The following STIM1 variants were observed in gnomAD, a reference collection of about 807,000 sequenced individuals.
STIM1 encodes stromal interaction molecule 1.
A neutral mutation model predicts 74.7 loss-of-function variants in STIM1; 25 were observed. That is an observed-to-expected ratio of 0.33 (90% CI 0.24 to 0.47). STIM1 has a LOEUF of 0.47. STIM1 is among the 20% of genes least tolerant of loss of function. STIM1 has a pLI of 1.00. For missense variants in STIM1, 728 were observed against 920.8 expected (o/e 0.79, Z 2.71); for synonymous variants, 328 against 348.8 (o/e 0.94, Z 0.66).
At chr11:3,864,040 C>T (rs7949580) in intron 1 of STIM1, among the ~76,000 whole-genome samples, 1,638 of 151,932 alleles carry the variant, frequency 0.011, 30 homozygotes, top group African/African-American at 0.037. Flanking sequence ...TGTCTCACTT[C>T]GGCTATACCC....
In STIM1 at chr11:4,055,398, A is replaced by G. The variant is rs149043599; in HGVS notation, c.386-128A>G. Reference sequence around the variant, plus strand: ...GACTCACAGTGTATACTCCTTTCATACTTAGTATTTTATGGGACAGATAGA... The same window carrying G: ...GACTCACAGTGTATACTCCTTTCATGCTTAGTATTTTATGGGACAGATAGA... On this transcript the variant is annotated intron_variant, in intron 3 of 12. Coordinates refer to ENST00000526596, the MANE Select transcript of STIM1 (RefSeq NM_001382567.1). 7.9e-4 allele frequency: 585 copies of G among 744,370 alleles called. 5 individuals carry two copies. The highest frequency in any genetic ancestry group is 2.9e-3 in the Middle Eastern group (8 of 2,786). The allele number at this position is 744,370 out of a possible 1,614,324, so 46.1% of individuals were successfully genotyped here. A position where few individuals can be genotyped will look rare whatever the true frequency, so the allele number is the denominator to read the frequency against.
intron 1 of STIM1, among the ~76,000 whole-genome samples, chr11:3,955,394 T>C (rs1372235660): frequency 6.6e-6 from 1 of 152,212 alleles, no homozygotes; most frequent in Non-Finnish European, 1.5e-5. Context: ...AAAATATTCA[T>C]GCCTCATTTT....
intron 1 of STIM1, among the ~76,000 whole-genome samples, chr11:3,897,983 A>G (rs2092238038): frequency 6.6e-6 from 1 of 152,178 alleles, no homozygotes; most frequent in South Asian, 2.1e-4. Context: ...ATACGTGTGC[A>G]TGTGTCTTTA....
At chr11:3,930,332 A>G (rs1247475164) in intron 1 of STIM1, among the ~76,000 whole-genome samples, 1 of 152,268 alleles carries the variant, frequency 6.6e-6, no homozygotes, top group African/African-American at 2.4e-5. Context: ...CACAGCTGGC[A>G]AGACTAAAAT....
chr11:4,005,999 C>G (rs888100986), intron 2 of STIM1, among the ~76,000 whole-genome samples: 1 of 152,140 alleles, frequency 6.6e-6, no homozygotes, highest in African/African-American at 2.4e-5. Flanking sequence ...CTTTTCAGAT[C>G]TGGAACATGT....
intron 1 of STIM1, among the ~76,000 whole-genome samples, chr11:3,962,117 T>C (rs2093292678): frequency 6.6e-6 from 1 of 152,214 alleles, no homozygotes; most frequent in South Asian, 2.1e-4. Flanking sequence ...AATGCAGTTT[T>C]GTTACATGGG....
intron 4 of STIM1, among the ~76,000 whole-genome samples, chr11:4,056,281 C>A (rs1202459438): frequency 2.0e-5 from 3 of 152,204 alleles, no homozygotes; most frequent in African/African-American, 4.8e-5. Flanking sequence ...TCTTTGCCTA[C>A]TTTACACGCT....
Position 3,857,338 on chromosome 11 carries a change from A to G in STIM1, c.139+929A>G, listed in dbSNP as rs544633560. 5.3e-5 allele frequency among the ~76,000 whole-genome samples: 8 copies of G among 151,884 alleles called. No individual in the cohort carries two copies. In the South Asian group the frequency reaches 1.5e-3, roughly 28 times the overall value. On this transcript the variant is annotated intron_variant, in intron 1 of 12. Coordinates refer to ENST00000526596, the MANE Select transcript of STIM1 (RefSeq NM_001382567.1). ...GTGATCACAGCTCACTACAGCCTCA[A>G]ACTCCTGGGTTCAAGTGATCCTCCT...
chr11:4,055,403 G>A (rs1029733316), intron 3 of STIM1, 123 bp from the exon 4 acceptor site: 2 of 759,930 alleles, frequency 2.6e-6, no homozygotes, highest in Non-Finnish European at 4.6e-6. Context: ...TTCATACTTA[G>A]TATTTTATGG....
At chr11:4,000,553 C>T (rs2093705551) in intron 2 of STIM1, among the ~76,000 whole-genome samples, 1 of 152,034 alleles carries the variant, frequency 6.6e-6, no homozygotes, top group Non-Finnish European at 1.5e-5. Context: ...AACTAACAAA[C>T]AGAAAGGACA....
At chr11:4,002,906 A>G (rs2135918020) in intron 2 of STIM1, among the ~76,000 whole-genome samples, 1 of 134,240 alleles carries the variant, frequency 7.4e-6, no homozygotes, top group East Asian at 2.2e-4. Flanking sequence ...TAAAGGGGAT[A>G]TCACCACCTA....
chr11:3,928,427 G>T (rs1044273951), intron 1 of STIM1, among the ~76,000 whole-genome samples: 11 of 151,970 alleles, frequency 7.2e-5, no homozygotes, highest in Non-Finnish European at 1.3e-4. Flanking sequence ...AAGTTTCACC[G>T]TGTTGGCCAG....
chr11:3,859,743 A>G (rs1029391140), intron 1 of STIM1, among the ~76,000 whole-genome samples: 2 of 152,300 alleles, frequency 1.3e-5, no homozygotes, highest in Admixed American at 6.5e-5. Flanking sequence ...TAGCTATGCT[A>G]ATTTTAGCTG....
rs1245957100 is a variant in STIM1, at chr11:4,083,103, G to GCCTCA, written c.1238+122_1238+126dup. ...GGTGGAGGGACAGCTCTGGTCTCCT[G>GCCTCA]CCTCAGCCTTTATTTATCTCCTGCC... On this transcript the variant is annotated intron_variant, in intron 9 of 12. Coordinates refer to ENST00000526596, the MANE Select transcript of STIM1 (RefSeq NM_001382567.1). 2.7e-4 allele frequency: 318 copies of GCCTCA among 1,170,240 alleles called. 4 individuals are homozygous for GCCTCA. In the South Asian group the frequency reaches 3.5e-3, roughly 13 times the overall value. The allele number at this position is 1,170,240 out of a possible 1,614,324, so 72.5% of individuals were successfully genotyped here.
rs1311145289 is a variant in STIM1, at chr11:4,000,260, C to G, written c.271-23613C>G. 1.7e-5 allele frequency among the ~76,000 whole-genome samples: 2 copies of G among 116,658 alleles called. 1 individual carries two copies. Among genetic ancestry groups the G allele is most frequent in the Non-Finnish European group, 3.8e-5 (2 of 52,676 alleles). The allele number at this position is 116,658 out of a possible 152,430, so 76.5% of individuals were successfully genotyped here. A position where few individuals can be genotyped will look rare whatever the true frequency, so the allele number is the denominator to read the frequency against. On this transcript the variant is annotated intron_variant, in intron 2 of 12. Transcript: ENST00000526596. ...GTTCTCCCAGCATGCAGCTGCAGAT[C>G]TGAGAATGGGCAGACTGCCTCCTCA...
intron 1 of STIM1, among the ~76,000 whole-genome samples, chr11:3,858,233 G>GTTTTTTTTTT (rs370455770): frequency 2.1e-5 from 3 of 146,078 alleles, no homozygotes; most frequent in Non-Finnish European, 1.5e-5. Flanking sequence ...TATTAGGAAG[G>GTTTTTTTTTT]TTTTTTTTTT....
At chr11:4,058,479 C>T (rs983072628) in intron 4 of STIM1, among the ~76,000 whole-genome samples, 1 of 152,244 alleles carries the variant, frequency 6.6e-6, no homozygotes, top group Admixed American at 6.5e-5. Flanking sequence ...GAGCACCAAT[C>T]TTATAGAGTA....
rs575337950 is a variant in STIM1 at position 3,927,474 on chromosome 11, C to T, written c.140-40078C>T. 1.1e-3 allele frequency among the ~76,000 whole-genome samples: 172 copies of T among 152,318 alleles called. 1 individual carries two copies. Among genetic ancestry groups the T allele is most frequent in the African/African-American group, 3.9e-3 (164 of 41,572 alleles). On this transcript the variant is annotated intron_variant, in intron 1 of 12. Transcript: ENST00000526596. ...CTGAAGTGAATATTTATTACCCTTT[C>T]CTGTGTTTAAGGAATTTCTTTACCT...
intron 7 of STIM1, among the ~76,000 whole-genome samples, chr11:4,075,107 C>A (rs771184474): frequency 2.0e-5 from 3 of 151,932 alleles, no homozygotes; most frequent in Non-Finnish European, 2.9e-5. Context: ...TGCCATTGCA[C>A]TCCAGCCTGG....
Sources: allele counts gnomAD v4.1 joint callset (sites outside exome capture counted in the v4.1 genomes callset), GRCh38; gene constraint gnomAD v4.1.1; transcripts MANE v1.5; gene names NCBI Gene and HGNC (gene_info 2026-07-23, HGNC 2026-07-21).